JAKMIP1: variants seen among roughly 807,000 people sequenced by gnomAD.
JAKMIP1 encodes janus kinase and microtubule-interacting protein 1.
A neutral mutation model predicts 113.0 loss-of-function variants in JAKMIP1; 33 were observed. That is an observed-to-expected ratio of 0.29 (90% CI 0.22 to 0.39). The LOEUF is 0.39. Among genes scored for constraint, JAKMIP1 ranks in the 10% least tolerant of loss-of-function variants. The pLI, the probability that JAKMIP1 is intolerant of heterozygous loss-of-function variation, is 1.00. For missense variants in JAKMIP1, 813 were observed against 1,080.5 expected, an observed-to-expected ratio of 0.75 and a Z score of 3.47; for synonymous variants, 480 against 459.9, an observed-to-expected ratio of 1.04 and a Z score of -0.56.
At chr4:6,189,725 C>T (rs1727032798) in intron 1 of JAKMIP1, among the ~76,000 whole-genome samples, 2 of 151,412 alleles carry the variant, frequency 1.3e-5, no homozygotes, top group African/African-American at 4.9e-5. Flanking sequence ...GCAGTGAGGG[C>T]CCTGGGGTTA....
intron 8 of JAKMIP1, among the ~76,000 whole-genome samples, chr4:6,066,504 G>A (rs1011258158): frequency 1.1e-4 from 16 of 152,064 alleles, no homozygotes; most frequent in Admixed American, 7.9e-4. Context: ...AGACTCATAC[G>A]TCAGCTGCGT....
At chr4:6,125,847 A>C in intron 1 of JAKMIP1, among the ~76,000 whole-genome samples, 1 of 15,746 alleles carries the variant, frequency 6.4e-5, no homozygotes, top group Non-Finnish European at 1.3e-4. Flanking sequence ...ACACACACAC[A>C]CCCCCCATAC....
chr4:6,180,755 G>C lies in JAKMIP1; in HGVS notation c.-148+19498C>G, dbSNP rs945340378. ...GAGGTTGTAGCAAGTGGATGTTGCA[G>C]CTAATTCAGTGACATTTAATTTTCT... is the stretch of plus-strand genomic sequence containing the variant. On this transcript the variant is annotated intron_variant, in intron 1 of 20. Transcript: ENST00000409021. The surrounding 1 kb of genome is among the most constrained non-coding windows in gnomAD (Gnocchi z 4.5). 4.6e-5 allele frequency among the ~76,000 whole-genome samples: 7 copies of C among 152,144 alleles called. No individual in the cohort carries two copies. The highest frequency in any genetic ancestry group is 1.3e-4 in the Admixed American group (2 of 15,268).
At chr4:6,133,024 AT>A (rs969385183) in intron 1 of JAKMIP1, among the ~76,000 whole-genome samples, 42 of 152,162 alleles carry the variant, frequency 2.8e-4, no homozygotes, top group Non-Finnish European at 4.4e-4. Context: ...AGCAAGCCTT[AT>A]TTTTTTTAAT....
intron 16 of JAKMIP1, among the ~76,000 whole-genome samples, chr4:6,046,772 A>G (rs530503102): frequency 3.3e-5 from 5 of 152,186 alleles, no homozygotes; most frequent in Non-Finnish European, 5.9e-5. Context: ...CAGGCCTGGA[A>G]CACCTGCTGT....
rs537924125 is a variant in JAKMIP1 at position 6,064,502 on chromosome 4, G to A, written c.1431+378C>T. The stretch of plus-strand genomic sequence containing the variant: ...GCTGTTTCTGCCCGGTGGTGTGTCC[G>A]TGTGTGCACACATGCGTGGGGACCA... On this transcript the variant is annotated intron_variant, in intron 9 of 20. Coordinates refer to ENST00000409021, the MANE Select transcript of JAKMIP1 (RefSeq NM_001099433.2). This position sits in a 1 kb window ranked among gnomAD's most constrained non-coding sequence, Gnocchi z 4.3. Among the ~76,000 whole-genome samples the A allele has an allele frequency of 4.6e-5, 7 of 152,286 alleles. No individual in the cohort carries two copies. Among genetic ancestry groups the A allele is most frequent in the South Asian group, 2.1e-4 (1 of 4,824 alleles).
chr4:6,191,432 G>A (rs11942268), intron 1 of JAKMIP1, among the ~76,000 whole-genome samples: 5,146 of 152,254 alleles, frequency 0.034, 302 homozygotes, highest in African/African-American at 0.12. Flanking sequence ...CCCCCAGAAC[G>A]TAAGCTGCTG....
intron 8 of JAKMIP1, among the ~76,000 whole-genome samples, chr4:6,073,130 G>A (rs543636521): frequency 6.6e-6 from 1 of 150,886 alleles, no homozygotes; most frequent in East Asian, 2.0e-4. Flanking sequence ...CAAAGGTACT[G>A]TACAACCAGC....
chr4:6,120,610 C>T (rs755191847), intron 1 of JAKMIP1, among the ~76,000 whole-genome samples: 31 of 152,228 alleles, frequency 2.0e-4, no homozygotes, highest in Non-Finnish European at 4.1e-4. Context: ...ATGTGCTTCT[C>T]ATCAGTTCAC....
At chr4:6,144,447 C>T (rs1720566079) in intron 1 of JAKMIP1, among the ~76,000 whole-genome samples, 2 of 152,202 alleles carry the variant, frequency 1.3e-5, no homozygotes, top group Admixed American at 1.3e-4. Context: ...TACAGACTAA[C>T]ATCCCCTACA....
chr4:6,028,755 C>G (rs989059104), intron 20 of JAKMIP1, among the ~76,000 whole-genome samples: 1 of 152,222 alleles, frequency 6.6e-6, no homozygotes, highest in Non-Finnish European at 1.5e-5. Context: ...ACCCCCTCTT[C>G]GAGCACAGGC....
rs966105551 is a variant in JAKMIP1 at position 6,188,521 on chromosome 4, TG to T, written c.-148+11731del. Among the ~76,000 whole-genome samples, 100 of 152,276 alleles carry T rather than the reference TG, an allele frequency of 6.6e-4. No homozygotes were observed. Among genetic ancestry groups the T allele is most frequent in the African/African-American group, 2.3e-3 (97 of 41,562 alleles). On this transcript the variant is annotated intron_variant, in intron 1 of 20. Coordinates refer to ENST00000409021, the MANE Select transcript of JAKMIP1 (RefSeq NM_001099433.2). The surrounding 1 kb of genome is among the most constrained non-coding windows in gnomAD (Gnocchi z 5.8). ...TGACTTAATACACCCCAAACCTCCT[TG>T]CCACTTGACCTCTTAGCATACCCCC...
At chr4:6,174,420 C>G (rs1332727161) in intron 1 of JAKMIP1, among the ~76,000 whole-genome samples, 1 of 152,200 alleles carries the variant, frequency 6.6e-6, no homozygotes, top group East Asian at 1.9e-4. Flanking sequence ...GAGAAAGGAC[C>G]GTGAATCCTT....
At position 6,106,276 on chromosome 4, in the gene JAKMIP1, A is replaced by G. The variant is rs1713933010; in HGVS notation, c.130-309T>C. Among the ~76,000 whole-genome samples the G allele has an allele frequency of 6.6e-6, 1 of 152,230 alleles. No individual in the cohort carries two copies. Among genetic ancestry groups the G allele is most frequent in the Admixed American group, 6.5e-5 (1 of 15,290 alleles). ...TAAATTGAGACGACTGCTCAATCAC[A>G]AAACACACCCTGCAGAAATCATCAC... On this transcript the variant is annotated intron_variant, in intron 2 of 20. Transcript: ENST00000409021. This position sits in a 1 kb window ranked among gnomAD's most constrained non-coding sequence, Gnocchi z 5.9.
In JAKMIP1 at chr4:6,185,456, G is replaced by A. The variant is rs1424753282; in HGVS notation, c.-148+14797C>T. Among the ~76,000 whole-genome samples the A allele has an allele frequency of 5.9e-5, 9 of 152,080 alleles. No individual in the cohort carries two copies. In the East Asian group the frequency reaches 1.7e-3, roughly 29 times the overall value. On this transcript the variant is annotated intron_variant, in intron 1 of 20. Transcript: ENST00000409021. The surrounding 1 kb of genome is among the most constrained non-coding windows in gnomAD (Gnocchi z 5.3). ...AGGTCAGGAGATCGAGACCATCCTG[G>A]CTAACACAGTGAAACCCCATCTCTA...
rs1720506893 is a variant in JAKMIP1 at position 6,081,326 on chromosome 4, A to G, written c.1101+283T>C. Among the ~76,000 whole-genome samples the G allele has an allele frequency of 6.6e-6, 1 of 152,178 alleles. No homozygotes were observed. Among genetic ancestry groups the G allele is most frequent in the African/African-American group, 2.4e-5 (1 of 41,440 alleles). On this transcript the variant is annotated intron_variant, in intron 6 of 20. Transcript: ENST00000409021. The surrounding 1 kb of genome is among the most constrained non-coding windows in gnomAD (Gnocchi z 4.6). Reference sequence around the variant, plus strand: ...ATGATCCTCCAGTGTGGATATTTTCATTCCCATTTTATGCATGAAGAAACA... The same window carrying G: ...ATGATCCTCCAGTGTGGATATTTTCGTTCCCATTTTATGCATGAAGAAACA...
intron 16 of JAKMIP1, among the ~76,000 whole-genome samples, chr4:6,043,321 C>G (rs777111741): frequency 1.1e-4 from 16 of 152,022 alleles, no homozygotes; most frequent in Non-Finnish European, 2.1e-4. Flanking sequence ...CAGGCTCCCC[C>G]AGCTTCCTTG....
chr4:6,098,552 AAGAAAGAAAGAAAGAAAG>A, intron 3 of JAKMIP1, among the ~76,000 whole-genome samples: 1 of 32,644 alleles, frequency 3.1e-5, no homozygotes, highest in Non-Finnish European at 6.5e-5. Flanking sequence ...AAGAAAAAGA[AAGAAAGAAAGAAAGAAAG>A]AAAGAAAGAA....
Position 6,158,497 on chromosome 4 carries a change from AGGGCTG to A in JAKMIP1, c.-148+41750_-148+41755del, listed in dbSNP as rs1176555341. 6.6e-6 allele frequency among the ~76,000 whole-genome samples: 1 copy of A among 152,138 alleles called. No individual in the cohort carries two copies. Among genetic ancestry groups the A allele is most frequent in the African/African-American group, 2.4e-5 (1 of 41,432 alleles). Reference sequence around the variant, plus strand: ...GAGAGCAAATTTTGGAGTAAAATAAAGGGCTGGGGCTTGGGTTTGAAGTCACAGGTG... The same window carrying A: ...GAGAGCAAATTTTGGAGTAAAATAAAGGGCTTGGGTTTGAAGTCACAGGTG... On this transcript the variant is annotated intron_variant, in intron 1 of 20. Coordinates refer to ENST00000409021, the MANE Select transcript of JAKMIP1 (RefSeq NM_001099433.2). The surrounding 1 kb of genome is among the most constrained non-coding windows in gnomAD (Gnocchi z 5.3).
Sources: gnomAD v4.1 joint callset for allele counts (sites outside exome capture counted in the v4.1 genomes callset) on GRCh38, gnomAD v4.1.1 for gene constraint, Gnocchi (gnomAD v3.1) non-coding constraint, MANE v1.5 for transcripts, NCBI Gene and HGNC (gene_info 2026-07-23, HGNC 2026-07-21) for gene names.